Variants in TENM2 observed in about 807,000 individuals in gnomAD.
TENM2 encodes teneurin transmembrane protein 2.
A neutral mutation model predicts 245.2 loss-of-function variants in TENM2; 52 were observed. That is an observed-to-expected ratio of 0.21 (90% CI 0.17 to 0.27). TENM2 has a LOEUF of 0.27. TENM2 is among the 10% of genes least tolerant of loss of function. TENM2 has a pLI of 1.00. For missense variants in TENM2, 3,046 were observed against 3,666.8 expected, an observed-to-expected ratio of 0.83 and a Z score of 4.37; for synonymous variants, 1,363 against 1,438.9, an observed-to-expected ratio of 0.95 and a Z score of 1.19.
At chr5:168,081,485 G>A (rs966109466) in intron 7 of TENM2, among the ~76,000 whole-genome samples, 3 of 152,138 alleles carry the variant, frequency 2.0e-5, no homozygotes, top group African/African-American at 7.2e-5. Flanking sequence ...GATGTTAGGT[G>A]GTTATTTTGC....
chr5:167,612,948 A>G (rs1413183236), intron 2 of TENM2, among the ~76,000 whole-genome samples: 1 of 152,152 alleles, frequency 6.6e-6, no homozygotes, highest in African/African-American at 2.4e-5. Flanking sequence ...AAAACTGCAC[A>G]ATTTGGATTC....
intron 5 of TENM2, among the ~76,000 whole-genome samples, chr5:168,031,732 GGAA>G: frequency 6.8e-6 from 1 of 147,784 alleles, no homozygotes; most frequent in African/African-American, 2.5e-5. Flanking sequence ...AGCAAGGGAA[GGAA>G]GGAGTGAGGG....
intron 20 of TENM2, 50 bp from the exon 23 acceptor site, chr5:168,214,989 GC>G: frequency 6.6e-7 from 1 of 1,519,794 alleles, no homozygotes; most frequent in Non-Finnish European, 9.1e-7. Context: ...GATCTAGGAG[GC>G]CAGCTCCATA....
intron 3 of TENM2, among the ~76,000 whole-genome samples, chr5:167,946,027 C>T (rs1173679470): frequency 3.3e-5 from 5 of 152,314 alleles, no homozygotes; most frequent in African/African-American, 1.2e-4. Context: ...GCAGACAGGC[C>T]ACCTGCCCTG....
At chr5:166,986,147 G>T in the TENM2 span, among the ~76,000 whole-genome samples, 1 of 152,144 alleles carries the variant, frequency 6.6e-6, no homozygotes, top group Non-Finnish European at 1.5e-5. Context: ...AGTGTTTGCA[G>T]AATTTTATTG....
intron 13 of TENM2, among the ~76,000 whole-genome samples, chr5:168,166,936 T>A (rs1456041082): frequency 6.6e-6 from 1 of 151,888 alleles, no homozygotes; most frequent in Non-Finnish European, 1.5e-5. Context: ...ACACCCCCAG[T>A]CATGTGACCG....
intron 2 of TENM2, among the ~76,000 whole-genome samples, chr5:167,495,345 T>C (rs58980212): frequency 0.21 from 32,122 of 151,738 alleles, 3,398 homozygotes; most frequent in East Asian, 0.36. Flanking sequence ...TGAAAATTCT[T>C]TGGGGCTGTT....
At position 167,730,436 on chromosome 5, in the gene TENM2, C is replaced by G. The variant is rs555850727; in HGVS notation, c.503-145550C>G. On this transcript the variant is annotated intron_variant, in intron 2 of 28. Transcript: ENST00000518659. ...ACATTTGAGTTTATCTGTAAACACC[C>G]GTTTTTGGTGTCATCCAGCATTTGA... Among the ~76,000 whole-genome samples the G allele has an allele frequency of 9.0e-4, 137 of 152,210 alleles. 1 individual carries two copies. The highest frequency in any genetic ancestry group is 3.4e-3 in the Middle Eastern group (1 of 294).
At chr5:167,367,470 C>A (rs2127287510) in intron 1 of TENM2, among the ~76,000 whole-genome samples, 1 of 152,154 alleles carries the variant, frequency 6.6e-6, no homozygotes, top group East Asian at 1.9e-4. Flanking sequence ...GTTTTATCAA[C>A]ATTTGGGAAA....
intron 22 of TENM2, among the ~76,000 whole-genome samples, chr5:168,217,288 T>A (rs7708354): frequency 1.3e-5 from 2 of 152,038 alleles, no homozygotes; most frequent in African/African-American, 4.8e-5. Flanking sequence ...GAACTTCCCC[T>A]TTAATCTGAA....
chr5:167,405,817 C>T (rs1397813134), intron 2 of TENM2, among the ~76,000 whole-genome samples: 1 of 150,608 alleles, frequency 6.6e-6, no homozygotes, highest in African/African-American at 2.5e-5. Context: ...GAGATGCCAA[C>T]CATTCCTGAG....
chr5:167,485,577 AG>A (rs1381470939), intron 2 of TENM2, among the ~76,000 whole-genome samples: 3 of 152,082 alleles, frequency 2.0e-5, no homozygotes, highest in Non-Finnish European at 2.9e-5. Context: ...TTGGGGCAGG[AG>A]GGGGGCAGGG....
chr5:167,505,074 C>A (rs1017940690), intron 2 of TENM2, among the ~76,000 whole-genome samples: 1 of 152,014 alleles, frequency 6.6e-6, no homozygotes, highest in Non-Finnish European at 1.5e-5. Flanking sequence ...CGTTTATTGG[C>A]GGGGATGGAT....
intron 9 of TENM2, among the ~76,000 whole-genome samples, chr5:168,103,561 G>A (rs1793993431): frequency 6.6e-6 from 1 of 151,980 alleles, no homozygotes; most frequent in Non-Finnish European, 1.5e-5. Context: ...GTGTCTCTCG[G>A]TATGGGTCTG....
chr5:167,003,870 G>T, the TENM2 span, among the ~76,000 whole-genome samples: 1 of 152,128 alleles, frequency 6.6e-6, no homozygotes, highest in African/African-American at 2.4e-5. Flanking sequence ...CACATGGAGT[G>T]TGTCTAATGA....
intron 2 of TENM2, among the ~76,000 whole-genome samples, chr5:167,434,412 C>CA (rs61683445): frequency 2.8e-4 from 21 of 74,478 alleles, no homozygotes; most frequent in Admixed American, 3.8e-4. Context: ...GACTCTATCT[C>CA]AAAAAAAAAA....
rs556064574 is a variant in TENM2 at position 167,977,858 on chromosome 5, C to G, written c.948-15086C>G. Among the ~76,000 whole-genome samples, 7 of 152,222 alleles carry G rather than the reference C, an allele frequency of 4.6e-5. No individual in the cohort carries two copies. The South Asian group carries it at 1.5e-3, about 32-fold the overall frequency. ...TTGGGATGTTTGTCCTCTCCATGTC[C>G]CATGTTGGAATGTGATCCCCAATGT... On this transcript the variant is annotated intron_variant, in intron 4 of 28. Coordinates refer to ENST00000518659, the Ensembl canonical transcript of TENM2.
intron 2 of TENM2, among the ~76,000 whole-genome samples, chr5:167,850,604 G>T (rs554743253): frequency 5.9e-5 from 9 of 152,296 alleles, no homozygotes; most frequent in African/African-American, 2.2e-4. Context: ...CCCCAGAGAT[G>T]ATGTAGCCCA....
the TENM2 span, among the ~76,000 whole-genome samples, chr5:167,108,639 T>C: frequency 6.6e-6 from 1 of 152,304 alleles, no homozygotes; most frequent in East Asian, 1.9e-4. Flanking sequence ...GAAGTTCTTG[T>C]CCCAAACAAG....
Sources: gnomAD v4.1 joint callset for allele counts (sites outside exome capture counted in the v4.1 genomes callset) on GRCh38, gnomAD v4.1.1 for gene constraint, MANE v1.5 for transcripts, NCBI Gene and HGNC (gene_info 2026-07-23, HGNC 2026-07-21) for gene names.